NAT1: variants seen among roughly 807,000 people sequenced by gnomAD.
NAT1 encodes arylamine N-acetyltransferase 1.
For synonymous variants in NAT1, 144 were observed against 122.6 expected, an observed-to-expected ratio of 1.17 and a Z score of -1.16; for missense variants, 400 against 339.2, an observed-to-expected ratio of 1.18 and a Z score of -1.41.
At chr8:18,182,811 A>G (rs997251652) in intron 2 of NAT1, among the ~76,000 whole-genome samples, 4 of 152,326 alleles carry the variant, frequency 2.6e-5, no homozygotes, top group Admixed American at 6.5e-5. Flanking sequence ...TTCATTGAAC[A>G]TACTGATAAA....
At chr8:18,187,334 A>G (rs1376681647) in intron 2 of NAT1, among the ~76,000 whole-genome samples, 1 of 152,222 alleles carries the variant, frequency 6.6e-6, no homozygotes, top group Non-Finnish European at 1.5e-5. Flanking sequence ...TGACCCAGCA[A>G]TCCCATTACT....
chr8:18,179,812 T>C (rs1308622437), intron 2 of NAT1, among the ~76,000 whole-genome samples: 1 of 152,178 alleles, frequency 6.6e-6, no homozygotes. Flanking sequence ...ATGCATGGCA[T>C]TGTGTTTAGC....
upstream of NAT1, among the ~76,000 whole-genome samples, chr8:18,209,043 C>T (rs1372555426): frequency 6.6e-6 from 1 of 152,218 alleles, no homozygotes; most frequent in East Asian, 1.9e-4. Flanking sequence ...TACCTGTGAA[C>T]AAAGGGAGCA....
chr8:18,191,229 T>C (rs1286072007), intron 2 of NAT1, among the ~76,000 whole-genome samples: 2 of 152,204 alleles, frequency 1.3e-5, no homozygotes, highest in African/African-American at 4.8e-5. Flanking sequence ...TGTATGTAAT[T>C]AAATGCTGAC....
chr8:18,215,274 C>T (rs925992171), intron 1 of NAT1, among the ~76,000 whole-genome samples: 1 of 152,170 alleles, frequency 6.6e-6, no homozygotes, highest in African/African-American at 2.4e-5. Flanking sequence ...TTTTCTATTG[C>T]ACTTTTTGCA....
intron 2 of NAT1, among the ~76,000 whole-genome samples, chr8:18,219,823 T>C (rs1020684766): frequency 2.0e-5 from 3 of 152,180 alleles, no homozygotes; most frequent in Non-Finnish European, 4.4e-5. Flanking sequence ...GACTTGCAGT[T>C]GCTGAATTCC....
At chr8:18,191,638 A>G (rs1361571904) in intron 2 of NAT1, among the ~76,000 whole-genome samples, 1 of 152,138 alleles carries the variant, frequency 6.6e-6, no homozygotes, top group Non-Finnish European at 1.5e-5. Flanking sequence ...TGGTACCAAA[A>G]CAGAGATATA....
intron 1 of NAT1, chr8:18,212,640 A>G (rs919171231): frequency 3.3e-5 from 5 of 152,322 alleles, no homozygotes; most frequent in Admixed American, 6.5e-5. Context: ...GCTCTCTGCA[A>G]AGGAGGGCAA....
chr8:18,173,041 A>G (rs1301711450), intron 2 of NAT1, among the ~76,000 whole-genome samples: 1 of 152,046 alleles, frequency 6.6e-6, no homozygotes, highest in East Asian at 1.9e-4. Context: ...CGAGTCTTCC[A>G]TGGTGTTTTA....
At chr8:18,194,372 A>G (rs1381807857) in intron 2 of NAT1, among the ~76,000 whole-genome samples, 1 of 152,166 alleles carries the variant, frequency 6.6e-6, no homozygotes, top group Non-Finnish European at 1.5e-5. Flanking sequence ...TATGATGACA[A>G]TTAGGATTTC....
At chr8:18,208,035 C>T (rs568403309), upstream of NAT1, among the ~76,000 whole-genome samples, 34 of 150,466 alleles carry the variant, frequency 2.3e-4, no homozygotes, top group South Asian at 1.7e-3. Context: ...AAACACTGCA[C>T]GTTCTGACTC....
intron 2 of NAT1, among the ~76,000 whole-genome samples, chr8:18,177,558 C>T (rs1265277681): frequency 6.6e-6 from 1 of 152,038 alleles, no homozygotes. Flanking sequence ...ACATGAAATT[C>T]CATTGTATAC....
At chr8:18,174,648 T>C (rs929935589) in intron 2 of NAT1, among the ~76,000 whole-genome samples, 1 of 152,084 alleles carries the variant, frequency 6.6e-6, no homozygotes, top group Non-Finnish European at 1.5e-5. Context: ...AGGGCGGTTA[T>C]TGTGATTTTT....
intron 2 of NAT1, among the ~76,000 whole-genome samples, chr8:18,221,527 C>A (rs916211379): frequency 6.6e-6 from 1 of 152,082 alleles, no homozygotes; most frequent in South Asian, 2.1e-4. Context: ...GTAGGAAACA[C>A]ATTATAGCTA....
chr8:18,197,083 A>G (rs892601280), intron 2 of NAT1, among the ~76,000 whole-genome samples: 4 of 152,166 alleles, frequency 2.6e-5, no homozygotes, highest in African/African-American at 9.7e-5. Context: ...CGATGGTTTT[A>G]AAGCCATCAG....
chr8:18,171,773 C>G (rs1802106107), intron 2 of NAT1, among the ~76,000 whole-genome samples: 2 of 152,158 alleles, frequency 1.3e-5, no homozygotes, highest in Non-Finnish European at 2.9e-5. Flanking sequence ...AGAAACGCAA[C>G]AAGGAGTATT....
chr8:18,189,909 C>T (rs1405701264), intron 2 of NAT1, among the ~76,000 whole-genome samples: 1 of 152,180 alleles, frequency 6.6e-6, no homozygotes, highest in African/African-American at 2.4e-5. Context: ...CCTGCCTCAG[C>T]CTCCTGAGTA....
intron 2 of NAT1, among the ~76,000 whole-genome samples, chr8:18,173,413 A>T (rs1366477716): frequency 6.6e-6 from 1 of 152,112 alleles, no homozygotes; most frequent in Non-Finnish European, 1.5e-5. Context: ...CTGTTTATTA[A>T]AAAACCTCCA....
chr8:18,204,918 G>T lies in NAT1; in HGVS notation n.93-4863G>T, dbSNP rs190116577. 2.4e-4 allele frequency among the ~76,000 whole-genome samples: 36 copies of T among 152,328 alleles called. No individual in the cohort carries two copies. The East Asian group carries it at 6.9e-3, about 29-fold the overall frequency. On this transcript the variant is annotated intron_variant and non_coding_transcript_variant, in intron 2 of 4. Transcript: ENST00000517441. The stretch of plus-strand genomic sequence containing the variant: ...CGGTGTAAAGTGGAATGAAGTGACT[G>T]ACCTCATTTCTAGAAGATTCTAGTG...
Sources: gnomAD v4.1 joint callset for allele counts (sites outside exome capture counted in the v4.1 genomes callset) on GRCh38, gnomAD v4.1.1 for gene constraint, MANE v1.5 for transcripts, NCBI Gene and HGNC (gene_info 2026-07-23, HGNC 2026-07-21) for gene names.